The following FBXL20 variants were observed in gnomAD, a reference collection of about 807,000 sequenced individuals.
FBXL20 encodes F-box/LRR-repeat protein 20.
FBXL20 carries 11 observed loss-of-function variants against 64.0 expected under a neutral mutation model. The ratio of observed to expected loss-of-function variants is 0.17; its 90% confidence interval spans 0.11 to 0.28. The LOEUF is 0.28. FBXL20 is among the 10% of genes least tolerant of loss of function. FBXL20 has a pLI of 1.00. For missense variants in FBXL20, 303 were observed against 526.2 expected, an observed-to-expected ratio of 0.58 and a Z score of 4.15; for synonymous variants, 184 against 189.0, an observed-to-expected ratio of 0.97 and a Z score of 0.22.
At chr17:39,370,224 C>T (rs2047902444) in intron 1 of FBXL20, among the ~76,000 whole-genome samples, 1 of 152,014 alleles carries the variant, frequency 6.6e-6, no homozygotes, top group Non-Finnish European at 1.5e-5. Context: ...AGCGCTATGC[C>T]TCACGCCTGT....
intron 1 of FBXL20, among the ~76,000 whole-genome samples, chr17:39,389,332 A>T (rs1187139823): frequency 3.9e-5 from 6 of 152,176 alleles, no homozygotes; most frequent in Admixed American, 3.9e-4. Flanking sequence ...AGTGGGTGGC[A>T]GAAATAAGTT....
At chr17:39,368,847 G>A (rs1045204694) in intron 1 of FBXL20, among the ~76,000 whole-genome samples, 5 of 152,070 alleles carry the variant, frequency 3.3e-5, no homozygotes, top group African/African-American at 7.2e-5. Flanking sequence ...AGTAAAGACG[G>A]GGTTTCACCA....
At chr17:39,330,388 C>T (rs887406324) in intron 2 of FBXL20, among the ~76,000 whole-genome samples, 2 of 152,050 alleles carry the variant, frequency 1.3e-5, no homozygotes, top group East Asian at 1.9e-4. Flanking sequence ...TTGAGGCAGG[C>T]GGATCACATG....
chr17:39,350,530 A>C (rs1486417745), intron 1 of FBXL20, among the ~76,000 whole-genome samples: 1 of 151,834 alleles, frequency 6.6e-6, no homozygotes, highest in Non-Finnish European at 1.5e-5. Flanking sequence ...AAAAAAAAAA[A>C]AAAAACATAG....
At chr17:39,355,192 A>G (rs971185057) in intron 1 of FBXL20, among the ~76,000 whole-genome samples, 1 of 152,116 alleles carries the variant, frequency 6.6e-6, no homozygotes, top group African/African-American at 2.4e-5. Context: ...TCAGCCTCCC[A>G]AAGTGCTGGG....
At chr17:39,402,016 C>G (rs924404626), upstream of FBXL20, 6 of 602,068 alleles carry the variant, frequency 1.0e-5, no homozygotes, top group Admixed American at 4.4e-5. Flanking sequence ...TGCCCCGTGT[C>G]CCCCTCTCCT....
intron 1 of FBXL20, among the ~76,000 whole-genome samples, chr17:39,346,048 G>A (rs985268164): frequency 2.6e-5 from 4 of 152,170 alleles, no homozygotes; most frequent in Non-Finnish European, 5.9e-5. Flanking sequence ...TTGGCTGGGA[G>A]TGGTAGCTCA....
intron 1 of FBXL20, among the ~76,000 whole-genome samples, chr17:39,368,913 C>G (rs1056014312): frequency 3.3e-5 from 5 of 152,124 alleles, no homozygotes; most frequent in Non-Finnish European, 5.9e-5. Context: ...CTTCGGCCTC[C>G]CAAAGTGCTC....
intron 14 of FBXL20, among the ~76,000 whole-genome samples, chr17:39,261,988 C>A (rs1296778847): frequency 6.6e-6 from 1 of 151,842 alleles, no homozygotes; most frequent in Non-Finnish European, 1.5e-5. Context: ...AGACTGGTCT[C>A]GAACTCCTGA....
chr17:39,274,997 G>T lies in FBXL20; in HGVS notation c.800C>A (p.Ala267Asp). 4 of 1,614,064 alleles carry T rather than the reference G, an allele frequency of 2.5e-6. No individual in the cohort carries two copies. Among genetic ancestry groups the T allele is most frequent in the Non-Finnish European group, 3.4e-6 (4 of 1,180,000 alleles). Residue 267 changes from alanine (A) to aspartate (D), a missense_variant, in exon 10 of 15, where the codon GCT becomes GAT. Transcript: ENST00000264658. ...CSNITDAILN[A>D]LGQNCPRLRI... ...AAGCCGTGGGCAGTTCTGACCTAGA[G>T]CATTCAGGATGGCATCTGTGATGTT...
intron 1 of FBXL20, among the ~76,000 whole-genome samples, chr17:39,370,614 G>A (rs1258137735): frequency 2.0e-5 from 3 of 149,038 alleles, no homozygotes; most frequent in African/African-American, 5.0e-5. Context: ...GTGAAACCCC[G>A]TCTCTACTAA....
At chr17:39,365,283 G>A (rs969365269) in intron 1 of FBXL20, among the ~76,000 whole-genome samples, 1 of 152,050 alleles carries the variant, frequency 6.6e-6, no homozygotes, top group African/African-American at 2.4e-5. Flanking sequence ...TTTCTTGCCC[G>A]AATCTAAAAG....
At chr17:39,270,270 G>A (rs2046832179) in intron 11 of FBXL20, among the ~76,000 whole-genome samples, 1 of 152,138 alleles carries the variant, frequency 6.6e-6, no homozygotes, top group South Asian at 2.1e-4. Context: ...ATGGGTGGGT[G>A]CAGTGGCTCA....
At chr17:39,364,351 G>C (rs976544620) in intron 1 of FBXL20, among the ~76,000 whole-genome samples, 44 of 152,258 alleles carry the variant, frequency 2.9e-4, no homozygotes, top group African/African-American at 9.6e-4. Context: ...AGTGGCTCAC[G>C]CCTGTAATCC....
chr17:39,391,535 A>G (rs543458436), intron 1 of FBXL20, among the ~76,000 whole-genome samples: 1 of 152,026 alleles, frequency 6.6e-6, no homozygotes, highest in Non-Finnish European at 1.5e-5. Flanking sequence ...TAGAATATGT[A>G]TAATACACAC....
intron 2 of FBXL20, among the ~76,000 whole-genome samples, chr17:39,315,402 T>TA: frequency 6.7e-6 from 1 of 148,922 alleles, no homozygotes; most frequent in South Asian, 2.1e-4. Context: ...TTTATATATA[T>TA]ATATATATAT....
chr17:39,335,607 A>C (rs1255200845), intron 2 of FBXL20, among the ~76,000 whole-genome samples: 1 of 149,912 alleles, frequency 6.7e-6, no homozygotes, highest in African/African-American at 2.5e-5. Flanking sequence ...AAAAAAAAGA[A>C]GGAATCTTTG....
intron 2 of FBXL20, among the ~76,000 whole-genome samples, chr17:39,324,942 G>A (rs1290162530): frequency 4.6e-5 from 7 of 152,194 alleles, no homozygotes; most frequent in Non-Finnish European, 7.3e-5. Context: ...AGTGGCTCAC[G>A]CCTATAATCC....
intron 1 of FBXL20, among the ~76,000 whole-genome samples, chr17:39,352,964 C>T (rs1438598779): frequency 6.6e-6 from 1 of 152,066 alleles, no homozygotes; most frequent in African/African-American, 2.4e-5. Context: ...CAGGAGAGTA[C>T]TTAAAGAGAG....
Sources: allele counts gnomAD v4.1 joint callset (sites outside exome capture counted in the v4.1 genomes callset), GRCh38; gene constraint gnomAD v4.1.1; transcripts MANE v1.5; gene names NCBI Gene and HGNC (gene_info 2026-07-23, HGNC 2026-07-21).